The following CYS1 variants were observed in gnomAD, a reference collection of about 807,000 sequenced individuals.
CYS1 encodes the protein cystin-1.
CYS1 carries 5 observed loss-of-function variants against 9.6 expected under a neutral mutation model. That is an observed-to-expected ratio of 0.52 (90% confidence interval 0.27 to 1.10). The LOEUF is 1.10. CYS1 is among the 50% of genes least tolerant of loss of function. The pLI is 0.11. For synonymous variants in CYS1, 88 were observed against 95.7 expected, an observed-to-expected ratio of 0.92 and a Z score of 0.47; for missense variants, 221 against 207.9, an observed-to-expected ratio of 1.06 and a Z score of -0.39.
intron 2 of CYS1, among the ~76,000 whole-genome samples, chr2:10,060,589 T>C (rs965289309): frequency 2.6e-5 from 4 of 152,232 alleles, no homozygotes; most frequent in African/African-American, 4.8e-5. Flanking sequence ...CCGCGGCCAG[T>C]GCGCAGAAAC....
intron 1 of CYS1, among the ~76,000 whole-genome samples, chr2:10,072,220 T>C (rs1232974257): frequency 1.3e-5 from 2 of 152,088 alleles, no homozygotes; most frequent in Non-Finnish European, 2.9e-5. Context: ...GTAGCTGGGA[T>C]TACAGGCATC....
intron 2 of CYS1, among the ~76,000 whole-genome samples, chr2:10,064,725 TA>T (rs1661672351): frequency 6.6e-6 from 1 of 151,416 alleles, no homozygotes; most frequent in African/African-American, 2.4e-5. Context: ...TTTATTTATT[TA>T]TTTTTTTCTG....
Position 10,080,293 on chromosome 2 carries a change from T to C in CYS1, c.-70A>G. The C allele has an allele frequency of 3.2e-6, 3 of 923,782 alleles. No homozygotes were observed. The highest frequency in any genetic ancestry group is 5.5e-4 in the Middle Eastern group (1 of 1,832). The allele number at this position is 923,782 out of a possible 1,614,324, so 57.2% of individuals were successfully genotyped here. On this transcript the variant is annotated 5_prime_UTR_variant, in exon 1 of 3. Coordinates refer to ENST00000381813, the MANE Select transcript of CYS1 (RefSeq NM_001037160.3). This position sits in a 1 kb window ranked among gnomAD's most constrained non-coding sequence, Gnocchi z 6.4. Reference sequence around the variant, plus strand: ...GGGGCGCGGCCGGGGGCGGGGACGCTAGGGGGTGCGGCCGGGGCGGGCTGC... The same window carrying C: ...GGGGCGCGGCCGGGGGCGGGGACGCCAGGGGGTGCGGCCGGGGCGGGCTGC...
intron 2 of CYS1, among the ~76,000 whole-genome samples, chr2:10,060,514 C>G (rs1287078315): frequency 3.3e-5 from 5 of 152,224 alleles, no homozygotes; most frequent in African/African-American, 1.2e-4. Flanking sequence ...CACTCCTCCC[C>G]TGTCCCGGAG....
chr2:10,080,136 G>T lies in CYS1; in HGVS notation c.88C>A (p.Leu30Met). The T allele has an allele frequency of 9.6e-7, 1 of 1,042,734 alleles. No individual in the cohort carries two copies. Among genetic ancestry groups the T allele is most frequent in the Admixed American group, 5.4e-5 (1 of 18,438 alleles). The allele number at this position is 1,042,734 out of a possible 1,614,324, so 64.6% of individuals were successfully genotyped here. Reference sequence around the variant, plus strand: ...ACCCGCCGGCGGGTCCCGCCCTCCAGGGCTGCCGCTCCGGGCCCCGCGGGG... The same window carrying T: ...ACCCGCCGGCGGGTCCCGCCCTCCATGGCTGCCGCTCCGGGCCCCGCGGGG... ...SLPAGPGAAA[L>M]EGGTRRRVPV... Residue 30 changes from leucine to methionine, a missense_variant, in exon 1 of 3, where the codon CTG (leucine) becomes ATG (methionine). Transcript: ENST00000381813. This position sits in a 1 kb window ranked among gnomAD's most constrained non-coding sequence, Gnocchi z 6.4.
At chr2:10,060,625 G>T (rs944632386) in intron 2 of CYS1, among the ~76,000 whole-genome samples, 3 of 152,252 alleles carry the variant, frequency 2.0e-5, no homozygotes, top group African/African-American at 7.2e-5. Context: ...GTTGACGCCT[G>T]CAGGGCTCTT....
chr2:10,064,048 C>G (rs184029252), intron 2 of CYS1, among the ~76,000 whole-genome samples: 3 of 152,232 alleles, frequency 2.0e-5, no homozygotes, highest in Admixed American at 2.0e-4. Flanking sequence ...CTTGGCGAAA[C>G]CCTGTCTCTA....
At position 10,080,028 on chromosome 2, in the gene CYS1, C is replaced by G. The variant is rs915173721; in HGVS notation, c.196G>C (p.Gly66Arg). The G allele has an allele frequency of 3.8e-6, 4 of 1,065,356 alleles. No homozygotes were observed. The highest frequency in any genetic ancestry group is 1.3e-4 in the East Asian group (2 of 15,148). 66.0% of individuals were successfully genotyped at this position (1,065,356 alleles called of 1,614,324 possible). Residue 66 changes from glycine to arginine, a missense_variant, in exon 1 of 3, where the codon GGC (glycine) becomes CGC (arginine). By Grantham distance (125) the Gly-to-Arg change is moderately radical. Coordinates refer to ENST00000381813, the MANE Select transcript of CYS1 (RefSeq NM_001037160.3). The surrounding 1 kb of genome is among the most constrained non-coding windows in gnomAD (Gnocchi z 6.4). ...RDPSPVAPPD[G>R]RDETLRLLDE... ...AGCAGGCGCAGCGTCTCGTCCCTGCCGTCGGGGGGCGCCACGGGGCTGGGG... is the reference window on the plus strand; with the variant it reads ...AGCAGGCGCAGCGTCTCGTCCCTGCGGTCGGGGGGCGCCACGGGGCTGGGG...
chr2:10,073,217 C>A (rs985678898), intron 1 of CYS1, among the ~76,000 whole-genome samples: 4 of 145,674 alleles, frequency 2.7e-5, no homozygotes, highest in Admixed American at 6.7e-5. Context: ...CCGCCCCCCC[C>A]CCCCCCCCGG....
At chr2:10,061,260 A>C (rs949608886) in intron 2 of CYS1, among the ~76,000 whole-genome samples, 14 of 152,052 alleles carry the variant, frequency 9.2e-5, no homozygotes, top group Admixed American at 4.6e-4. Flanking sequence ...AACCAAACAA[A>C]CAAACAAAAA....
intron 1 of CYS1, among the ~76,000 whole-genome samples, chr2:10,075,616 G>GT (rs1661832224): frequency 6.6e-6 from 1 of 152,138 alleles, no homozygotes; most frequent in Admixed American, 6.5e-5. Flanking sequence ...TCTTTACACC[G>GT]TGAGTTCCAT....
intron 2 of CYS1, among the ~76,000 whole-genome samples, chr2:10,064,896 G>GTTT (rs77778372): frequency 6.1e-5 from 8 of 131,810 alleles, no homozygotes; most frequent in African/African-American, 1.9e-4. Context: ...TTTTGTTTTT[G>GTTT]TTTTTTTTTT....
intron 1 of CYS1, among the ~76,000 whole-genome samples, chr2:10,071,930 G>A (rs1661773601): frequency 6.6e-6 from 1 of 152,200 alleles, no homozygotes; most frequent in Non-Finnish European, 1.5e-5. Flanking sequence ...CGAGGGGTGT[G>A]TGTCATCCCT....
chr2:10,072,215 T>A (rs1661777029), intron 1 of CYS1, among the ~76,000 whole-genome samples: 1 of 152,156 alleles, frequency 6.6e-6, no homozygotes, highest in South Asian at 2.1e-4. Context: ...CCTGAGTAGC[T>A]GGGATTACAG....
chr2:10,065,557 G>C (rs1661684474), intron 2 of CYS1, among the ~76,000 whole-genome samples: 2 of 152,234 alleles, frequency 1.3e-5, no homozygotes, highest in Admixed American at 6.5e-5. Flanking sequence ...AGTTCCTTAA[G>C]GGCTGTGTCT....
In CYS1 at chr2:10,060,697, C is replaced by T. The variant is rs546354434; in HGVS notation, c.372-1739G>A. Among the ~76,000 whole-genome samples the T allele has an allele frequency of 2.5e-4, 38 of 152,360 alleles. No individual in the cohort carries two copies. In the East Asian group the frequency reaches 7.1e-3, roughly 29 times the overall value. On this transcript the variant is annotated intron_variant, in intron 2 of 2. Coordinates refer to ENST00000381813, the MANE Select transcript of CYS1 (RefSeq NM_001037160.3). ...ATGTGTTCCTTGCAGCCCTGAGACA[C>T]AGTGGAAATGCAGACGTTCTGGAGC...
chr2:10,072,610 C>T (rs902713968), intron 1 of CYS1, among the ~76,000 whole-genome samples: 4 of 152,186 alleles, frequency 2.6e-5, no homozygotes, highest in African/African-American at 9.7e-5. Flanking sequence ...AATTATCCTT[C>T]TTTGAAGCCC....
In CYS1 at chr2:10,072,999, TGCAGATGTGTGGGAGCAGA is replaced by T. The variant is rs368492969; in HGVS notation, c.318+6888_318+6906del. Among the ~76,000 whole-genome samples the T allele has an allele frequency of 3.3e-3, 484 of 144,480 alleles. 1 individual carries two copies. Among genetic ancestry groups the T allele is most frequent in the Middle Eastern group, 0.011 (3 of 278 alleles). 94.8% of individuals were successfully genotyped at this position (144,480 alleles called of 152,430 possible). Reference sequence around the variant, plus strand: ...GAGCAGAGCAGATGTGTGGGAGCAGTGCAGATGTGTGGGAGCAGAGCAGATGTGTGGGAGCAGAGCAGAT... The same window carrying T: ...GAGCAGAGCAGATGTGTGGGAGCAGTGCAGATGTGTGGGAGCAGAGCAGAT... On this transcript the variant is annotated intron_variant, in intron 1 of 2. Coordinates refer to ENST00000381813, the MANE Select transcript of CYS1 (RefSeq NM_001037160.3).
rs1661565161 is a variant in CYS1 at position 10,057,395 on chromosome 2, A to C, written c.*1458T>G. On this transcript the variant is annotated 3_prime_UTR_variant, in exon 3 of 3. Coordinates refer to ENST00000381813, the MANE Select transcript of CYS1 (RefSeq NM_001037160.3). ...CAAAGGCACTCTCAAAAGTTCAAGG[A>C]AATGCCCGTTTGCGGATGGCCGCAG... The C allele has an allele frequency of 1.3e-5, 2 of 152,272 alleles. No homozygotes were observed. The highest frequency in any genetic ancestry group is 3.8e-4 in the East Asian group (2 of 5,196). The allele number at this position is 152,272 out of a possible 1,614,324, so 9.4% of individuals were successfully genotyped here.
Sources: allele counts gnomAD v4.1 joint callset (sites outside exome capture counted in the v4.1 genomes callset), GRCh38; gene constraint gnomAD v4.1.1; non-coding constraint Gnocchi (gnomAD v3.1); transcripts MANE v1.5; gene names NCBI Gene and HGNC (gene_info 2026-07-23, HGNC 2026-07-21).